CTBP2: variants seen among roughly 807,000 people sequenced by gnomAD.
The protein encoded by CTBP2 is C-terminal-binding protein 2.
Under a neutral mutation model 80.3 loss-of-function variants are expected in CTBP2, and 30 were observed. That is an observed-to-expected ratio of 0.37 (90% CI 0.28 to 0.51). The LOEUF (loss-of-function observed/expected upper bound fraction) is 0.51, where lower values mean the gene tolerates loss of function less well. CTBP2 is among the 20% of genes least tolerant of loss of function. The probability of loss-of-function intolerance (pLI) is 0.93; values close to 1 mark genes in which losing one functional copy is unlikely to be tolerated. For synonymous variants in CTBP2, 594 were observed against 587.4 expected (o/e 1.01, Z -0.16); for missense variants, 1,212 against 1,375.3 (o/e 0.88, Z 1.88).
chr10:125,119,033 G>A (rs1334495194), intron 1 of CTBP2, among the ~76,000 whole-genome samples: 2 of 152,226 alleles, frequency 1.3e-5, no homozygotes, highest in African/African-American at 4.8e-5. Flanking sequence ...TCAGGCTCCG[G>A]TCTTGCTTTC....
At chr10:125,009,393 A>T (rs11245462) in intron 1 of CTBP2, among the ~76,000 whole-genome samples, 6 of 151,862 alleles carry the variant, frequency 4.0e-5, no homozygotes, top group African/African-American at 1.5e-4. Context: ...AAAACCACAC[A>T]AACTCCAGAG....
chr10:125,030,178 A>G (rs1423045335), upstream of CTBP2, among the ~76,000 whole-genome samples: 1 of 149,374 alleles, frequency 6.7e-6, no homozygotes, highest in Non-Finnish European at 1.5e-5. Flanking sequence ...ACCACACTCC[A>G]GTCTTTTAGA....
chr10:125,028,118 A>C, upstream of CTBP2: 1 of 210,300 alleles, frequency 4.8e-6, no homozygotes, highest in East Asian at 1.2e-4. Flanking sequence ...GCTAAATAAA[A>C]CCCTAAAGCT....
chr10:125,148,206 C>G (rs937277774), intron 1 of CTBP2, among the ~76,000 whole-genome samples: 2 of 152,176 alleles, frequency 1.3e-5, no homozygotes, highest in Non-Finnish European at 2.9e-5. Context: ...CCAGTGGGAC[C>G]TCTCTGGTCA....
chr10:125,144,700 T>C (rs1186495778), intron 1 of CTBP2, among the ~76,000 whole-genome samples: 7 of 152,250 alleles, frequency 4.6e-5, no homozygotes, highest in Admixed American at 1.3e-4. Flanking sequence ...TAAATGCACC[T>C]TTTGCTGATC....
At chr10:125,128,814 T>C (rs1201102599) in intron 1 of CTBP2, among the ~76,000 whole-genome samples, 1 of 152,150 alleles carries the variant, frequency 6.6e-6, no homozygotes, top group African/African-American at 2.4e-5. Flanking sequence ...CCAAGAGAAA[T>C]GAAATCATAT....
intron 2 of CTBP2, among the ~76,000 whole-genome samples, chr10:125,059,474 C>A (rs200608926): frequency 6.6e-6 from 1 of 151,924 alleles, no homozygotes; most frequent in Non-Finnish European, 1.5e-5. Flanking sequence ...CCCAGCTACT[C>A]GGGAGGCTGA....
intron 1 of CTBP2, among the ~76,000 whole-genome samples, chr10:125,014,702 C>A (rs1191474331): frequency 1.3e-5 from 2 of 152,354 alleles, no homozygotes; most frequent in East Asian, 1.9e-4. Context: ...CCAGAAAGCA[C>A]TGACTTGGAA....
rs915542772 is a variant in CTBP2 at position 124,987,196 on chromosome 10, GA to G, written c.*2321del. ...CAGCCATAATTATTGTCCCAAGATAGAATATAGTCCTTTTTCAAAGATGATT... is the reference window on the plus strand; with the variant it reads ...CAGCCATAATTATTGTCCCAAGATAGATATAGTCCTTTTTCAAAGATGATT... On this transcript the variant is annotated 3_prime_UTR_variant, in exon 9 of 9. Transcript: ENST00000309035. 2.6e-5 allele frequency: 4 copies of G among 152,448 alleles called. No homozygotes were observed. The highest frequency in any genetic ancestry group is 9.7e-5 in the African/African-American group (4 of 41,364). The allele number at this position is 152,448 out of a possible 1,614,324, so 9.4% of individuals were successfully genotyped here.
chr10:125,098,266 C>A (rs1368955342), intron 2 of CTBP2, among the ~76,000 whole-genome samples: 1 of 152,112 alleles, frequency 6.6e-6, no homozygotes, highest in African/African-American at 2.4e-5. Flanking sequence ...GGTGTGTGGA[C>A]CCAGCACGTG....
rs1019158402 is a variant in CTBP2 at position 125,005,796 on chromosome 10, G to A, written c.1679-2304C>T. 1.9e-6 allele frequency: 3 copies of A among 1,611,592 alleles called. No homozygotes were observed. In the African/African-American group the frequency reaches 4.0e-5, roughly 22 times the overall value. On this transcript the variant is annotated intron_variant, in intron 1 of 8. Coordinates refer to ENST00000309035, the MANE Select transcript of CTBP2 (RefSeq NM_022802.3). ...GCGCACAACCCTGTGGGGCCTGGAA[G>A]TCCTGGTCTCATGCCCCAGGCGGTC...
Position 125,078,984 on chromosome 10 carries a change from C to CAA in CTBP2, c.-102+32004_-102+32005dup, listed in dbSNP as rs59556429. On this transcript the variant is annotated intron_variant, in intron 2 of 10. Coordinates refer to the CTBP2 transcript ENST00000337195. ...TGAAACCCTGTCTCTACTAAAAATA[C>CAA]AAAAAAAAAAAAACGAGCCGGGCAT... Among the ~76,000 whole-genome samples, 699 of 129,948 alleles carry CAA rather than the reference C, an allele frequency of 5.4e-3. 23 individuals carry two copies. The East Asian group carries it at 0.091, about 17-fold the overall frequency. The allele number at this position is 129,948 out of a possible 152,430, so 85.3% of individuals were successfully genotyped here. A position where few individuals can be genotyped will look rare whatever the true frequency, so the allele number is the denominator to read the frequency against.
At chr10:124,994,447 A>G (rs371299903) in intron 5 of CTBP2, 22 bp downstream of exon 7, 1 of 1,610,828 alleles carries the variant, frequency 6.2e-7, no homozygotes, top group Non-Finnish European at 8.5e-7. Flanking sequence ...AGAAGCTTCC[A>G]TGGCATCTAT....
chr10:125,040,910 T>A (rs184589317), intron 2 of CTBP2, among the ~76,000 whole-genome samples: 31 of 152,310 alleles, frequency 2.0e-4, no homozygotes, highest in African/African-American at 5.5e-4. Flanking sequence ...ATCACATAAA[T>A]AATTAATGTA....
At chr10:125,151,083 G>GT (rs1423317817) in intron 1 of CTBP2, among the ~76,000 whole-genome samples, 7 of 152,116 alleles carry the variant, frequency 4.6e-5, no homozygotes, top group Non-Finnish European at 1.0e-4. Flanking sequence ...CAGACACTAA[G>GT]TAAGTGCTCA....
chr10:125,049,041 C>CCACACACA (rs1364121384), intron 2 of CTBP2, among the ~76,000 whole-genome samples: 2 of 112,476 alleles, frequency 1.8e-5, no homozygotes, highest in Admixed American at 9.0e-5. Context: ...GCCCGCCTGA[C>CCACACACA]CACAGACACA....
intron 1 of CTBP2, among the ~76,000 whole-genome samples, chr10:125,006,485 A>G (rs1452951415): frequency 6.6e-6 from 1 of 152,148 alleles, no homozygotes; most frequent in African/African-American, 2.4e-5. Flanking sequence ...GAAACTGTCC[A>G]CCCACACACC....
chr10:125,035,404 C>T (rs1958747462), intron 3 of CTBP2, among the ~76,000 whole-genome samples: 1 of 152,184 alleles, frequency 6.6e-6, no homozygotes, highest in South Asian at 2.1e-4. Context: ...AGTCATGTTA[C>T]AAGGGGACTA....
At chr10:125,102,518 A>AG (rs1046945068) in intron 2 of CTBP2, among the ~76,000 whole-genome samples, 1 of 152,166 alleles carries the variant, frequency 6.6e-6, no homozygotes, top group African/African-American at 2.4e-5. Context: ...CAGGGTTTGC[A>AG]GGGGGGTGGG....
Sources: allele counts gnomAD v4.1 joint callset (sites outside exome capture counted in the v4.1 genomes callset), GRCh38; gene constraint gnomAD v4.1.1; transcripts MANE v1.5; gene names NCBI Gene and HGNC (gene_info 2026-07-23, HGNC 2026-07-21).